The following ADGRL3 variants were observed in gnomAD, a reference collection of about 807,000 sequenced individuals.
ADGRL3 encodes the protein adhesion G protein-coupled receptor L3, also known as calcium-independent alpha-latrotoxin receptor 3.
ADGRL3 carries 62 observed loss-of-function variants against 153.5 expected under a neutral mutation model. The observed-to-expected ratio is 0.40, with a 90% confidence interval of 0.33 to 0.50. The LOEUF is 0.50. Among genes scored for constraint, ADGRL3 ranks in the 20% least tolerant of loss-of-function variants. The pLI is 0.47. For synonymous variants in ADGRL3, 710 were observed against 672.5 expected (o/e 1.06, Z -0.86); for missense variants, 1,641 against 1,859.4 (o/e 0.88, Z 2.16).
At chr4:61,880,096 A>C (rs1413751851) in intron 9 of ADGRL3, among the ~76,000 whole-genome samples, 1 of 151,144 alleles carries the variant, frequency 6.6e-6, no homozygotes, top group Non-Finnish European at 1.5e-5. Flanking sequence ...AAAGTGGTGC[A>C]TAAGTGATTG....
At chr4:61,434,957 A>G (rs1226117866) in intron 2 of ADGRL3, among the ~76,000 whole-genome samples, 2 of 152,084 alleles carry the variant, frequency 1.3e-5, no homozygotes, top group African/African-American at 4.8e-5. Flanking sequence ...CAGGATGGCC[A>G]CTGAGATTTA....
At chr4:61,362,677 C>A (rs1411889361) in intron 1 of ADGRL3, among the ~76,000 whole-genome samples, 1 of 152,006 alleles carries the variant, frequency 6.6e-6, no homozygotes, top group Non-Finnish European at 1.5e-5. Flanking sequence ...AGGTTTTCAG[C>A]CTCGTCTTCA....
intron 3 of ADGRL3, among the ~76,000 whole-genome samples, chr4:61,498,296 ACC>A (rs1052383116): frequency 5.3e-5 from 8 of 152,142 alleles, no homozygotes; most frequent in African/African-American, 1.9e-4. Flanking sequence ...CACACCTGTA[ACC>A]CCAGCACTTT....
At chr4:61,416,442 T>C (rs2097145694) in intron 2 of ADGRL3, among the ~76,000 whole-genome samples, 2 of 152,284 alleles carry the variant, frequency 1.3e-5, no homozygotes, top group African/African-American at 4.8e-5. Flanking sequence ...CTCAAAGATA[T>C]CTGTTATTTA....
chr4:61,920,500 C>G (rs111346992), intron 13 of ADGRL3, among the ~76,000 whole-genome samples: 13 of 152,090 alleles, frequency 8.5e-5, no homozygotes, highest in African/African-American at 3.1e-4. Flanking sequence ...ATCTAATATA[C>G]GAATCTTGTA....
chr4:61,930,080 G>A (rs1014525682), intron 13 of ADGRL3, among the ~76,000 whole-genome samples: 1 of 151,772 alleles, frequency 6.6e-6, no homozygotes, highest in African/African-American at 2.4e-5. Context: ...GGAGGTTGAG[G>A]CAGGAGAATG....
At chr4:61,930,275 G>A (rs1300336369) in intron 13 of ADGRL3, among the ~76,000 whole-genome samples, 8 of 151,968 alleles carry the variant, frequency 5.3e-5, no homozygotes, top group African/African-American at 9.7e-5. Context: ...TCAAATGGAG[G>A]AAGGGGGGTA....
chr4:61,932,385 T>C (rs998909127), intron 13 of ADGRL3, among the ~76,000 whole-genome samples: 3 of 152,138 alleles, frequency 2.0e-5, no homozygotes, highest in African/African-American at 7.2e-5. Context: ...GCTTTTATCA[T>C]GAAAGGTGCT....
chr4:62,047,725 C>G (rs1466678537), intron 25 of ADGRL3, among the ~76,000 whole-genome samples: 1 of 152,084 alleles, frequency 6.6e-6, no homozygotes, highest in East Asian at 1.9e-4. Flanking sequence ...CTTCGCATAT[C>G]TATAAATATG....
chr4:61,817,349 C>T (rs1463431904), intron 9 of ADGRL3, among the ~76,000 whole-genome samples: 1 of 152,196 alleles, frequency 6.6e-6, no homozygotes, highest in Non-Finnish European at 1.5e-5. Context: ...ACTTATGGTC[C>T]TTTTGTTCAA....
intron 5 of ADGRL3, among the ~76,000 whole-genome samples, chr4:61,642,630 C>G (rs1486772750): frequency 6.6e-6 from 1 of 152,094 alleles, no homozygotes; most frequent in Non-Finnish European, 1.5e-5. Context: ...GGGCTCTGTT[C>G]TGTTCCATTG....
chr4:61,635,990 T>C (rs2093405808), intron 5 of ADGRL3, among the ~76,000 whole-genome samples: 1 of 152,090 alleles, frequency 6.6e-6, no homozygotes, highest in Non-Finnish European at 1.5e-5. Flanking sequence ...ACTTTACCTC[T>C]TAAAAGACCT....
Position 61,202,274 on chromosome 4 carries a change from G to A in ADGRL3, c.-240+509G>A, listed in dbSNP as rs1186115481. 6.6e-6 allele frequency: 1 copy of A among 152,608 alleles called. No homozygotes were observed. The highest frequency in any genetic ancestry group is 1.5e-5 in the Non-Finnish European group (1 of 68,318). The allele number at this position is 152,608 out of a possible 1,614,324, so 9.5% of individuals were successfully genotyped here. On this transcript the variant is annotated intron_variant, in intron 1 of 26. Coordinates refer to ENST00000683033, the MANE Select transcript of ADGRL3 (RefSeq NM_001387552.1). This position sits in a 1 kb window ranked among gnomAD's most constrained non-coding sequence, Gnocchi z 5.0. Reference sequence around the variant, plus strand: ...GGGAAGATGGAAAATGCAGGGTGCCGAGCCCGGCGCGATTCTCCCTCAACG... The same window carrying A: ...GGGAAGATGGAAAATGCAGGGTGCCAAGCCCGGCGCGATTCTCCCTCAACG...
chr4:61,284,010 T>G (rs1183064858), intron 1 of ADGRL3, among the ~76,000 whole-genome samples: 1 of 152,002 alleles, frequency 6.6e-6, no homozygotes, highest in Non-Finnish European at 1.5e-5. Flanking sequence ...AAGGTTGTAG[T>G]CCTTGTGTTT....
intron 2 of ADGRL3, among the ~76,000 whole-genome samples, chr4:61,430,542 T>G (rs2152408855): frequency 6.6e-6 from 1 of 152,306 alleles, no homozygotes; most frequent in South Asian, 2.1e-4. Flanking sequence ...AATGAAAATT[T>G]ATTTCTATTT....
At chr4:61,671,447 C>T (rs1356737612) in intron 5 of ADGRL3, among the ~76,000 whole-genome samples, 1 of 152,148 alleles carries the variant, frequency 6.6e-6, no homozygotes, top group Non-Finnish European at 1.5e-5. Flanking sequence ...TAGAACTCAA[C>T]AATTAACTAA....
At chr4:61,519,788 C>G (rs2098518903) in intron 4 of ADGRL3, among the ~76,000 whole-genome samples, 1 of 152,076 alleles carries the variant, frequency 6.6e-6, no homozygotes, top group Admixed American at 6.5e-5. Context: ...TCCTCCCCTC[C>G]TCCACCTTCA....
chr4:61,941,201 T>C (rs2098891002), intron 15 of ADGRL3, among the ~76,000 whole-genome samples: 1 of 113,020 alleles, frequency 8.8e-6, no homozygotes. Context: ...CCTTTCCCCA[T>C]TGCTTGTTTT....
intron 6 of ADGRL3, among the ~76,000 whole-genome samples, chr4:61,689,965 C>T (rs951762353): frequency 1.3e-5 from 2 of 152,068 alleles, no homozygotes; most frequent in African/African-American, 4.8e-5. Context: ...GTAAAATTTG[C>T]TTTTATGTTC....
Sources: allele counts gnomAD v4.1 joint callset (sites outside exome capture counted in the v4.1 genomes callset), GRCh38; gene constraint gnomAD v4.1.1; non-coding constraint Gnocchi (gnomAD v3.1); transcripts MANE v1.5; gene names NCBI Gene and HGNC (gene_info 2026-07-23, HGNC 2026-07-21).